NAA35: variants seen among roughly 807,000 people sequenced by gnomAD.
The protein encoded by NAA35 is N-alpha-acetyltransferase 35, NatC auxiliary subunit.
A neutral mutation model predicts 101.7 loss-of-function variants in NAA35; 18 were observed. The ratio of observed to expected loss-of-function variants is 0.18; its 90% CI spans 0.12 to 0.26. The LOEUF (loss-of-function observed/expected upper bound fraction) is 0.26, where lower values mean the gene tolerates loss of function less well. Ranked by LOEUF, NAA35 falls within the 10% of genes least tolerant of loss-of-function variation. NAA35 has a pLI of 1.00. For missense variants in NAA35, 601 were observed against 886.8 expected, an observed-to-expected ratio of 0.68 and a Z score of 4.09; for synonymous variants, 267 against 273.1, an observed-to-expected ratio of 0.98 and a Z score of 0.22.
intron 6 of NAA35, 55 bp from the exon 7 acceptor site, chr9:85,974,912 C>A: frequency 8.1e-7 from 1 of 1,234,144 alleles, no homozygotes; most frequent in Non-Finnish European, 1.2e-6. Flanking sequence ...TTATATTTTG[C>A]CGCTATTTAA....
At chr9:85,974,788 T>C (rs1221715027) in intron 6 of NAA35, among the ~76,000 whole-genome samples, 179 bp from the exon 7 acceptor site, 1 of 152,184 alleles carries the variant, frequency 6.6e-6, no homozygotes, top group Non-Finnish European at 1.5e-5. Context: ...TTTAAGTGTA[T>C]GCCTTCAAGA....
chr9:85,972,793 C>T (rs964322164), intron 6 of NAA35, among the ~76,000 whole-genome samples: 2 of 152,090 alleles, frequency 1.3e-5, no homozygotes, highest in South Asian at 2.1e-4. Flanking sequence ...ATAAGTCATT[C>T]GTTGAACACA....
At chr9:86,011,744 A>G (rs1377849682) in intron 15 of NAA35, among the ~76,000 whole-genome samples, 1 of 147,750 alleles carries the variant, frequency 6.8e-6, no homozygotes, top group Non-Finnish European at 1.5e-5. Flanking sequence ...CTAAATATAT[A>G]TATATTTCAT....
intron 11 of NAA35, among the ~76,000 whole-genome samples, chr9:85,991,457 T>G (rs1167715323): frequency 6.6e-6 from 1 of 151,846 alleles, no homozygotes; most frequent in African/African-American, 2.4e-5. Context: ...AGATCATAAG[T>G]GGGGGGAAGA....
At chr9:86,010,024 G>A (rs1256575062) in intron 15 of NAA35, 93 bp downstream of exon 15, 4 of 927,328 alleles carry the variant, frequency 4.3e-6, no homozygotes, top group Non-Finnish European at 7.1e-6. Flanking sequence ...GCTGAGGCAG[G>A]TGGATCACCT....
chr9:86,020,705 T>A (rs1832493833), intron 21 of NAA35, among the ~76,000 whole-genome samples, 184 bp from the exon 22 acceptor site: 1 of 152,064 alleles, frequency 6.6e-6, no homozygotes, highest in Admixed American at 6.6e-5. Context: ...GAGCTGGGTG[T>A]GGTGGTGCAC....
chr9:85,948,198 ATAT>A (rs1203744897), intron 2 of NAA35, among the ~76,000 whole-genome samples: 13 of 152,282 alleles, frequency 8.5e-5, no homozygotes, highest in Non-Finnish European at 2.9e-5. Flanking sequence ...GGATATGCAA[ATAT>A]TATTCATAGC....
intron 2 of NAA35, among the ~76,000 whole-genome samples, chr9:85,948,275 A>T (rs925552637): frequency 6.6e-6 from 1 of 152,134 alleles, no homozygotes; most frequent in Non-Finnish European, 1.5e-5. Flanking sequence ...TACACAAAAA[A>T]TTTTTACCCA....
At chr9:85,966,707 A>G (rs1051104052) in intron 6 of NAA35, 2 of 1,041,194 alleles carry the variant, frequency 1.9e-6, no homozygotes. Flanking sequence ...ACTAGTATAC[A>G]TTAGCACAGC....
intron 9 of NAA35, 114 bp downstream of exon 9, chr9:85,976,849 A>C: frequency 1.4e-6 from 1 of 736,180 alleles, no homozygotes; most frequent in African/African-American, 1.8e-5. Flanking sequence ...TTTCTTTAAA[A>C]ATTGGACATT....
At chr9:85,986,536 C>T (rs1019229507) in intron 11 of NAA35, 23 of 444,592 alleles carry the variant, frequency 5.2e-5, no homozygotes, top group East Asian at 7.0e-5. Flanking sequence ...TGAAAAGAAA[C>T]GAAGGAGTAC....
At chr9:85,958,913 G>A (rs1829389423) in intron 4 of NAA35, among the ~76,000 whole-genome samples, 1 of 151,964 alleles carries the variant, frequency 6.6e-6, no homozygotes, top group Admixed American at 6.6e-5. Flanking sequence ...ATTTACACAA[G>A]TAAAATACTT....
At chr9:85,958,939 A>G (rs1434194430) in intron 4 of NAA35, among the ~76,000 whole-genome samples, 1 of 152,214 alleles carries the variant, frequency 6.6e-6, no homozygotes. Context: ...AGTGAATTTA[A>G]AATTGCTTTA....
At chr9:86,005,983 C>T (rs1831623230) in intron 13 of NAA35, among the ~76,000 whole-genome samples, 1 of 151,462 alleles carries the variant, frequency 6.6e-6, no homozygotes. Context: ...TCAGCCTGGC[C>T]AAGATAGTGA....
chr9:85,967,983 G>T (rs1829837557), intron 6 of NAA35, among the ~76,000 whole-genome samples: 1 of 151,918 alleles, frequency 6.6e-6, no homozygotes, highest in South Asian at 2.1e-4. Context: ...TTTTCTTTTG[G>T]CATTCTGTAT....
At chr9:85,961,335 A>C (rs1380049583) in intron 5 of NAA35, among the ~76,000 whole-genome samples, 3 of 152,196 alleles carry the variant, frequency 2.0e-5, no homozygotes, top group Non-Finnish European at 4.4e-5. Flanking sequence ...GTTTCTTTAC[A>C]TATAAAAGGA....
chr9:86,016,010 T>C (rs951452084), intron 17 of NAA35, among the ~76,000 whole-genome samples: 243 of 151,838 alleles, frequency 1.6e-3, no homozygotes, highest in African/African-American at 5.6e-3. Context: ...ATGAAATGCA[T>C]ATATATTTTT....
In NAA35 at chr9:86,016,587, T is replaced by G. The variant is rs1358242109; in HGVS notation, c.1617T>G (p.Arg539=). The G allele has an allele frequency of 6.2e-7, 1 of 1,613,928 alleles. No homozygotes were observed. Among genetic ancestry groups the G allele is most frequent in the Non-Finnish European group, 8.5e-7 (1 of 1,179,986 alleles). ...LYAWLMSTLS[R]ADGSQMAEER... is the part of the protein sequence containing the mutation. ...CATGGTTGATGTCAACATTGAGTCG[T>G]GCCGATGGCTCTCAAATGGCAGAGG... is the stretch of plus-strand genomic sequence containing the variant. The change falls in exon 18 of 23, where the codon CGT becomes CGG. Residue 539 remains arginine, a synonymous_variant. Coordinates refer to ENST00000361671, the MANE Select transcript of NAA35 (RefSeq NM_024635.4).
intron 2 of NAA35, among the ~76,000 whole-genome samples, chr9:85,951,981 C>T (rs1362770856): frequency 2.0e-5 from 3 of 152,210 alleles, no homozygotes; most frequent in Admixed American, 6.5e-5. Flanking sequence ...CAAATGTTAA[C>T]ACGTTTCATT....
Sources: allele counts gnomAD v4.1 joint callset (sites outside exome capture counted in the v4.1 genomes callset), GRCh38; gene constraint gnomAD v4.1.1; transcripts MANE v1.5; gene names NCBI Gene and HGNC (gene_info 2026-07-23, HGNC 2026-07-21).